ACRV1: variants seen among roughly 807,000 people sequenced by gnomAD.
ACRV1 encodes the protein acrosomal vesicle protein 1.
Under a neutral mutation model 29.2 loss-of-function variants are expected in ACRV1, and 17 were observed. The observed-to-expected ratio is 0.58, with a 90% CI of 0.40 to 0.87. The LOEUF (loss-of-function observed/expected upper bound fraction) is 0.87. Among genes scored for constraint, ACRV1 ranks in the 40% least tolerant of loss-of-function variants. ACRV1 has a pLI of 0.00. For missense variants in ACRV1, 294 were observed against 316.0 expected, an observed-to-expected ratio of 0.93 and a Z score of 0.53; for synonymous variants, 98 against 111.6, an observed-to-expected ratio of 0.88 and a Z score of 0.77.
rs556944870 is a variant in ACRV1 at position 125,676,421 on chromosome 11, C to T, written c.611G>A (p.Arg204His). Residue 204 changes from arginine to histidine, a missense_variant, in exon 3 of 4, where the codon CGT (arginine) becomes CAT (histidine). Arg to His is a conservative substitution (Grantham distance 29, BLOSUM62 0). Coordinates refer to ENST00000533904, the MANE Select transcript of ACRV1 (RefSeq NM_001612.6). The part of the protein sequence containing the change: ...AYMNDQGKCL[R>H]GEGTCITQNS... Reference sequence around the variant, plus strand: ...CTGAGTGATGCAGGTTCCCTCTCCACGAAGACATTTTCCTTGATCATTCAT... The same window carrying T: ...CTGAGTGATGCAGGTTCCCTCTCCATGAAGACATTTTCCTTGATCATTCAT... 80 of 1,614,068 alleles carry T rather than the reference C, an allele frequency of 5.0e-5. No homozygotes were observed. The highest frequency in any genetic ancestry group is 2.0e-4 in the East Asian group (9 of 44,872).
chr11:125,675,208 C>T lies in ACRV1; in HGVS notation c.673+1151G>A, dbSNP rs370989065. On this transcript the variant is annotated intron_variant, in intron 3 of 3. Transcript: ENST00000533904. ...AAGATTGAGAACTCCTGGCCCAAAT[C>T]GTAAATGTTCCCTCAAAGCATTTTC... Among the ~76,000 whole-genome samples, 30 of 152,292 alleles carry T rather than the reference C, an allele frequency of 2.0e-4. No homozygotes were observed. The East Asian group carries it at 4.6e-3, about 23-fold the overall frequency.
chr11:125,673,829 T>C (rs1194369838), intron 3 of ACRV1, among the ~76,000 whole-genome samples: 1 of 152,144 alleles, frequency 6.6e-6, no homozygotes, highest in African/African-American at 2.4e-5. Flanking sequence ...CAGTTCTACT[T>C]GCAATCTAGT....
Position 125,677,736 on chromosome 11 carries a change from T to G in ACRV1, c.553+61A>C. 4 of 1,594,802 alleles carry G rather than the reference T, an allele frequency of 2.5e-6. No individual in the cohort carries two copies. The South Asian group carries it at 4.5e-5, about 18-fold the overall frequency. The stretch of plus-strand genomic sequence containing the variant: ...CTCCTTCCCTAAAATTGGGTTTTCT[T>G]GATGTGTTCCCCATTTCCCACCTGA... On this transcript the variant is annotated intron_variant, in intron 2 of 3. Transcript: ENST00000533904.
intron 3 of ACRV1, among the ~76,000 whole-genome samples, chr11:125,673,881 G>A (rs914980961): frequency 4.3e-4 from 66 of 152,016 alleles, no homozygotes; most frequent in African/African-American, 1.2e-3. Context: ...ACATTTGGCC[G>A]GGCACAGTGG....
chr11:125,674,023 C>T lies in ACRV1; in HGVS notation c.674-1306G>A, dbSNP rs567436927. Reference sequence around the variant, plus strand: ...AAAATACAGAAATTAGCCAGGCAGGCGCTTGTGATCCCAGCTACTCAGGAG... The same window carrying T: ...AAAATACAGAAATTAGCCAGGCAGGTGCTTGTGATCCCAGCTACTCAGGAG... On this transcript the variant is annotated intron_variant, in intron 3 of 3. Coordinates refer to ENST00000533904, the MANE Select transcript of ACRV1 (RefSeq NM_001612.6). Among the ~76,000 whole-genome samples the T allele has an allele frequency of 4.6e-5, 7 of 152,082 alleles. No homozygotes were observed. In the South Asian group the frequency reaches 1.2e-3, roughly 27 times the overall value.
chr11:125,678,500 A>G (rs1003644457), intron 1 of ACRV1, among the ~76,000 whole-genome samples: 2 of 152,168 alleles, frequency 1.3e-5, no homozygotes, highest in Non-Finnish European at 2.9e-5. Context: ...AGTGAAACAA[A>G]CAGAGGCCAC....
At chr11:125,673,181 A>G (rs1402921746) in intron 3 of ACRV1, among the ~76,000 whole-genome samples, 1 of 147,878 alleles carries the variant, frequency 6.8e-6, no homozygotes, top group Non-Finnish European at 1.5e-5. Flanking sequence ...CTTGCACATC[A>G]TACTGTGGAC....
chr11:125,676,206 C>T, intron 3 of ACRV1, 153 bp downstream of exon 3: 1 of 1,031,390 alleles, frequency 9.7e-7, no homozygotes. Context: ...CCTCGCCTGG[C>T]AAGGGATTCT....
chr11:125,672,551 G>C lies in ACRV1; in HGVS notation c.*42C>G, dbSNP rs941077219. Reference sequence around the variant, plus strand: ...AAATGAGCCAAATAGAGTGATGGAGGCTTTTTACTGCCTGAGTCAAAACAA... The same window carrying C: ...AAATGAGCCAAATAGAGTGATGGAGCCTTTTTACTGCCTGAGTCAAAACAA... On this transcript the variant is annotated 3_prime_UTR_variant, in exon 4 of 4. Coordinates refer to ENST00000533904, the MANE Select transcript of ACRV1 (RefSeq NM_001612.6). The C allele has an allele frequency of 8.1e-6, 13 of 1,609,064 alleles. No individual in the cohort carries two copies. The highest frequency in any genetic ancestry group is 1.1e-5 in the Non-Finnish European group (13 of 1,178,558).
chr11:125,678,976 T>TA (rs1565397413), intron 1 of ACRV1, among the ~76,000 whole-genome samples: 359 of 18,432 alleles, frequency 0.019, 4 homozygotes, highest in African/African-American at 0.081. Context: ...AGTCTAGGCA[T>TA]ATTATATATA....
rs758288228 is a variant in ACRV1, at chr11:125,676,383, A to G, written c.649T>C (p.Cys217Arg). 1.2e-6 allele frequency: 2 copies of G among 1,614,110 alleles called. No homozygotes were observed. The highest frequency in any genetic ancestry group is 1.1e-5 in the South Asian group (1 of 91,074). ...CCTTCAAAGATCTTCTTTAACATGC[A>G]CTGCTGGGAATTCTGAGTGATGCAG... is the stretch of plus-strand genomic sequence containing the variant. ...GTCITQNSQQ[C>R]MLKKIFEGGK... Residue 217 changes from cysteine to arginine, a missense_variant, in exon 3 of 4, where the codon TGC becomes CGC. Coordinates refer to ENST00000533904, the MANE Select transcript of ACRV1 (RefSeq NM_001612.6).
chr11:125,676,617 C>T, intron 2 of ACRV1, 139 bp from the exon 3 acceptor site: 1 of 1,111,778 alleles, frequency 9.0e-7, no homozygotes, highest in South Asian at 1.5e-5. Flanking sequence ...GGGATCTGGG[C>T]CCTGTGTCTG....
chr11:125,673,044 A>G (rs903336771), intron 3 of ACRV1, among the ~76,000 whole-genome samples: 3 of 151,728 alleles, frequency 2.0e-5, no homozygotes, highest in African/African-American at 7.3e-5. Context: ...GAGTCTGCCT[A>G]TCCTCCTCAC....
intron 2 of ACRV1, among the ~76,000 whole-genome samples, chr11:125,677,405 G>C (rs1942563147): frequency 1.3e-5 from 2 of 152,224 alleles, no homozygotes; most frequent in African/African-American, 4.8e-5. Context: ...AATTTGTAAA[G>C]TTATAGCATT....
chr11:125,677,772 T>G lies in ACRV1; in HGVS notation c.553+25A>C, dbSNP rs17141381. 8 of 1,611,038 alleles carry G rather than the reference T, an allele frequency of 5.0e-6. 1 individual carries two copies. Among genetic ancestry groups the G allele is most frequent in the South Asian group, 3.3e-5 (3 of 91,024 alleles). On this transcript the variant is annotated intron_variant, in intron 2 of 3. Coordinates refer to ENST00000533904, the MANE Select transcript of ACRV1 (RefSeq NM_001612.6). ...CCATTTCCCACCTGAAGTCAATGAC[T>G]GGCACCCATCCAAACATGGCTCACC...
intron 3 of ACRV1, among the ~76,000 whole-genome samples, chr11:125,673,667 C>T (rs1028260823): frequency 6.6e-6 from 1 of 152,190 alleles, no homozygotes. Flanking sequence ...CTAAAACTTA[C>T]TATGCCCAAA....
intron 3 of ACRV1, among the ~76,000 whole-genome samples, chr11:125,674,513 C>G (rs112450265): frequency 1.1e-4 from 16 of 152,302 alleles, no homozygotes; most frequent in African/African-American, 3.9e-4. Flanking sequence ...AGAGTGTAAA[C>G]AGGGATGCAG....
intron 3 of ACRV1, among the ~76,000 whole-genome samples, chr11:125,674,262 G>A (rs554909866): frequency 6.6e-6 from 1 of 152,276 alleles, no homozygotes; most frequent in African/African-American, 2.4e-5. Context: ...TACATGCAAT[G>A]GAAAAACCAT....
At chr11:125,674,712 A>G (rs1258443274) in intron 3 of ACRV1, among the ~76,000 whole-genome samples, 3 of 152,216 alleles carry the variant, frequency 2.0e-5, no homozygotes, top group South Asian at 2.1e-4. Context: ...GCCTTTTCCT[A>G]GTAACAGGTC....
Sources: gnomAD v4.1 joint callset for allele counts (sites outside exome capture counted in the v4.1 genomes callset) on GRCh38, gnomAD v4.1.1 for gene constraint, MANE v1.5 for transcripts, NCBI Gene and HGNC (gene_info 2026-07-23, HGNC 2026-07-21) for gene names.